Variants in CNTNAP2 observed in about 807,000 individuals in gnomAD.
CNTNAP2 encodes contactin-associated protein-like 2.
A neutral mutation model predicts 155.2 loss-of-function variants in CNTNAP2; 98 were observed. That is an observed-to-expected ratio of 0.63 (90% CI 0.54 to 0.75). The LOEUF (loss-of-function observed/expected upper bound fraction) is 0.75. Among genes scored for constraint, CNTNAP2 ranks in the 30% least tolerant of loss-of-function variants. CNTNAP2 has a pLI of 0.00. For synonymous variants in CNTNAP2, 651 were observed against 631.2 expected (o/e 1.03, Z -0.47); for missense variants, 1,727 against 1,688.1 (o/e 1.02, Z -0.40).
intron 13 of CNTNAP2, among the ~76,000 whole-genome samples, chr7:147,754,853 G>A (rs778969441): frequency 2.4e-4 from 37 of 152,180 alleles, no homozygotes; most frequent in Non-Finnish European, 4.6e-4. Flanking sequence ...ATGAGGCTTA[G>A]TGACGGATCC....
At chr7:148,164,085 C>T (rs1006464918) in intron 17 of CNTNAP2, among the ~76,000 whole-genome samples, 14 of 152,150 alleles carry the variant, frequency 9.2e-5, no homozygotes, top group African/African-American at 3.4e-4. Context: ...CAGGTGGGCA[C>T]CACCACACCT....
chr7:147,785,371 G>A (rs1310024404), intron 13 of CNTNAP2, among the ~76,000 whole-genome samples: 2 of 152,106 alleles, frequency 1.3e-5, no homozygotes. Context: ...TTGCTGAGAG[G>A]CCCAATAAGA....
intron 1 of CNTNAP2, among the ~76,000 whole-genome samples, chr7:146,653,331 T>A (rs1799946550): frequency 6.6e-6 from 1 of 152,228 alleles, no homozygotes; most frequent in South Asian, 2.1e-4. Flanking sequence ...TTATTATCAA[T>A]GTTTATAGGG....
intron 3 of CNTNAP2, among the ~76,000 whole-genome samples, chr7:147,003,339 C>G (rs1209306961): frequency 6.6e-6 from 1 of 151,510 alleles, no homozygotes; most frequent in Non-Finnish European, 1.5e-5. Flanking sequence ...AAACCAACCC[C>G]CCCCAAAAAA....
rs150839731 is a variant in CNTNAP2 at position 146,614,998 on chromosome 7, T to C, written c.98-159273T>C. On this transcript the variant is annotated intron_variant, in intron 1 of 23. Coordinates refer to ENST00000361727, the MANE Select transcript of CNTNAP2 (RefSeq NM_014141.6). ...AAAAAAAGCTTTTGAAAAAAGAAAA[T>C]ATACTGGGAAATGTAATTTTAATTC... Among the ~76,000 whole-genome samples the C allele has an allele frequency of 4.0e-3, 609 of 152,048 alleles. 7 individuals are homozygous for C. Among genetic ancestry groups the C allele is most frequent in the Middle Eastern group, 0.02 (6 of 294 alleles).
In CNTNAP2 at chr7:146,133,368, G is replaced by T. The variant is rs1045490748; in HGVS notation, c.97+16395G>T. ...TTTTCTCCCATTTTGTAGGTTGCCT[G>T]TTCACTCTGATGGTTGTTTCTTTTG... On this transcript the variant is annotated intron_variant, in intron 1 of 23. Transcript: ENST00000361727. Among the ~76,000 whole-genome samples, 34 of 152,130 alleles carry T rather than the reference G, an allele frequency of 2.2e-4. 1 individual carries two copies. Among genetic ancestry groups the T allele is most frequent in the African/African-American group, 8.2e-4 (34 of 41,502 alleles).
intron 1 of CNTNAP2, among the ~76,000 whole-genome samples, chr7:146,387,958 A>G (rs944303429): frequency 5.9e-5 from 9 of 151,932 alleles, no homozygotes; most frequent in African/African-American, 2.2e-4. Context: ...TCTTATTTTT[A>G]AGATGACCTA....
At chr7:147,212,162 G>C (rs1803163017) in intron 8 of CNTNAP2, among the ~76,000 whole-genome samples, 1 of 152,082 alleles carries the variant, frequency 6.6e-6, no homozygotes, top group Non-Finnish European at 1.5e-5. Flanking sequence ...ATATAAATTA[G>C]CCCATCCACC....
chr7:147,928,643 C>T (rs760630416), intron 14 of CNTNAP2, among the ~76,000 whole-genome samples: 8 of 152,060 alleles, frequency 5.3e-5, no homozygotes, highest in Non-Finnish European at 1.0e-4. Context: ...AAATGTAGGT[C>T]GTGTTTCCTG....
chr7:147,451,866 G>A lies in CNTNAP2; in HGVS notation c.1671-34069G>A, dbSNP rs374058704. ...GACTGGGTCATTAGAGCTCCACCCCGCTGGGTAGGATATGTGCTATGACAC... is the reference window on the plus strand; with the variant it reads ...GACTGGGTCATTAGAGCTCCACCCCACTGGGTAGGATATGTGCTATGACAC... On this transcript the variant is annotated intron_variant, in intron 10 of 23. Coordinates refer to ENST00000361727, the MANE Select transcript of CNTNAP2 (RefSeq NM_014141.6). Among the ~76,000 whole-genome samples, 59 of 151,996 alleles carry A rather than the reference G, an allele frequency of 3.9e-4. No individual in the cohort carries two copies. The South Asian group carries it at 0.011, about 28-fold the overall frequency.
At chr7:146,475,659 C>G (rs138065366) in intron 1 of CNTNAP2, among the ~76,000 whole-genome samples, 3 of 152,126 alleles carry the variant, frequency 2.0e-5, no homozygotes, top group South Asian at 2.1e-4. Context: ...CAGTGGGAAA[C>G]AGTTGTAGTG....
intron 9 of CNTNAP2, among the ~76,000 whole-genome samples, chr7:147,391,070 G>A (rs1408519132): frequency 6.6e-6 from 1 of 152,050 alleles, no homozygotes; most frequent in Non-Finnish European, 1.5e-5. Context: ...AGTCACTCAA[G>A]TACCACTTCC....
At chr7:147,399,184 A>G (rs1204589888) in intron 10 of CNTNAP2, among the ~76,000 whole-genome samples, 1 of 152,116 alleles carries the variant, frequency 6.6e-6, no homozygotes, top group Non-Finnish European at 1.5e-5. Context: ...TAGACGCCAG[A>G]ACAAGCCCTC....
chr7:146,960,862 T>C (rs376315217), intron 3 of CNTNAP2, among the ~76,000 whole-genome samples: 10 of 152,274 alleles, frequency 6.6e-5, no homozygotes, highest in African/African-American at 2.4e-4. Context: ...CCTTTACTTG[T>C]GACCTCTAGC....
At chr7:146,193,196 G>A (rs1057247373) in intron 1 of CNTNAP2, among the ~76,000 whole-genome samples, 2 of 152,198 alleles carry the variant, frequency 1.3e-5, no homozygotes, top group African/African-American at 2.4e-5. Context: ...CATGCTGTAA[G>A]CTGTCAGTGG....
At chr7:147,503,806 T>TGTAG (rs1798860594) in intron 11 of CNTNAP2, among the ~76,000 whole-genome samples, 1 of 152,150 alleles carries the variant, frequency 6.6e-6, no homozygotes, top group African/African-American at 2.4e-5. Context: ...AAATAAATTG[T>TGTAG]GTAGGCCTAA....
At chr7:147,670,313 A>G (rs1316379296) in intron 13 of CNTNAP2, among the ~76,000 whole-genome samples, 4 of 152,160 alleles carry the variant, frequency 2.6e-5, no homozygotes, top group African/African-American at 9.7e-5. Context: ...AGGGATGTGA[A>G]TGCCCTGGAC....
chr7:147,480,774 C>A (rs999448526), intron 10 of CNTNAP2, among the ~76,000 whole-genome samples: 1 of 152,128 alleles, frequency 6.6e-6, no homozygotes, highest in African/African-American at 2.4e-5. Context: ...TTTGAGCCCC[C>A]GCTGCAGAGA....
chr7:147,523,934 G>A (rs937362843), intron 11 of CNTNAP2, among the ~76,000 whole-genome samples: 3 of 152,156 alleles, frequency 2.0e-5, no homozygotes, highest in Non-Finnish European at 2.9e-5. Context: ...ATTTAAGCAC[G>A]GAGGTCAAAC....
Sources: gnomAD v4.1 joint callset for allele counts (sites outside exome capture counted in the v4.1 genomes callset) on GRCh38, gnomAD v4.1.1 for gene constraint, MANE v1.5 for transcripts, NCBI Gene and HGNC (gene_info 2026-07-23, HGNC 2026-07-21) for gene names.